PRKAG1: variants seen among roughly 807,000 people sequenced by gnomAD.
The protein encoded by PRKAG1 is 5'-AMP-activated protein kinase subunit gamma-1.
A neutral mutation model predicts 48.2 loss-of-function variants in PRKAG1; 27 were observed. The ratio of observed to expected loss-of-function variants is 0.56; its 90% confidence interval spans 0.41 to 0.77. The LOEUF is 0.77. Among genes scored for constraint, PRKAG1 ranks in the 30% least tolerant of loss-of-function variants. The pLI, the probability that PRKAG1 is intolerant of heterozygous loss-of-function variation, is 0.00. For missense variants in PRKAG1, 287 were observed against 398.3 expected (o/e 0.72, Z 2.38); for synonymous variants, 130 against 147.7 (o/e 0.88, Z 0.87).
chr12:49,003,928 GA>G lies in PRKAG1; in HGVS notation c.538-7del. The stretch of plus-strand genomic sequence containing the variant: ...GGCTTGGGGAACTCAGTGATCTGAG[GA>G]AAGAACCATCAGCTTAACTTTCAAG... On this transcript the variant is annotated splice_region_variant and splice_polypyrimidine_tract_variant and intron_variant, in intron 8 of 11. Transcript: ENST00000548065. 1 of 1,586,008 alleles carries G rather than the reference GA, an allele frequency of 6.3e-7. No individual in the cohort carries two copies. The highest frequency in any genetic ancestry group is 8.6e-7 in the Non-Finnish European group (1 of 1,164,710).
At chr12:49,016,915 T>C (rs1338748264) in intron 1 of PRKAG1, 1 of 339,524 alleles carries the variant, frequency 2.9e-6, no homozygotes, top group Non-Finnish European at 5.8e-6. Flanking sequence ...TTTCCAGTCT[T>C]TTCTCCCACT....
chr12:49,012,937 G>A, intron 2 of PRKAG1, 125 bp downstream of exon 2: 2 of 922,518 alleles, frequency 2.2e-6, no homozygotes, highest in East Asian at 2.5e-5. Context: ...TGATTTTTGT[G>A]GTTTGGCACA....
At chr12:49,018,314 C>G (rs1451806746) in intron 1 of PRKAG1, 1 of 348,654 alleles carries the variant, frequency 2.9e-6, no homozygotes, top group African/African-American at 2.2e-5. Context: ...ACAGAAAGAC[C>G]ATCGAGGTCC....
chr12:49,004,786 AGAGT>A (rs951707587), intron 7 of PRKAG1, 153 bp from the exon 8 acceptor site: 4 of 1,337,988 alleles, frequency 3.0e-6, no homozygotes, highest in Admixed American at 1.9e-5. Flanking sequence ...AGAGAGAGAG[AGAGT>A]GAGAATGAGA....
chr12:49,004,895 C>A lies in PRKAG1; in HGVS notation c.410+69G>T, dbSNP rs903835154. ...CTCTTCTTCCCCTTTCCCTGGGTGT[C>A]TAGGGCATTAGCTAGGCTGATGACA... On this transcript the variant is annotated intron_variant, in intron 7 of 11. Coordinates refer to ENST00000548065, the MANE Select transcript of PRKAG1 (RefSeq NM_002733.5). 23 of 1,512,144 alleles carry A rather than the reference C, an allele frequency of 1.5e-5. 1 individual carries two copies. Among genetic ancestry groups the A allele is most frequent in the South Asian group, 4.5e-5 (4 of 88,548 alleles). 93.7% of individuals were successfully genotyped at this position (1,512,144 alleles called of 1,614,324 possible).
chr12:49,015,037 C>T (rs1941910990), intron 1 of PRKAG1, among the ~76,000 whole-genome samples: 1 of 152,138 alleles, frequency 6.6e-6, no homozygotes, highest in Admixed American at 6.5e-5. Flanking sequence ...TAAGACAGCC[C>T]TAAACTTTTC....
At position 49,018,487 on chromosome 12, in the gene PRKAG1, G is replaced by A; in HGVS notation, c.9+245C>T. The A allele has an allele frequency of 7.9e-6, 11 of 1,388,174 alleles. No homozygotes were observed. In the South Asian group the frequency reaches 1.3e-4, roughly 17 times the overall value. 86.0% of individuals were successfully genotyped at this position (1,388,174 alleles called of 1,614,324 possible). A position where few individuals can be genotyped will look rare whatever the true frequency, so the allele number is the denominator to read the frequency against. On this transcript the variant is annotated intron_variant, in intron 1 of 11. Transcript: ENST00000548065. ...TACGTGGGCCCCAAGGAGGGAGCCA[G>A]GAGTCACTGCCTGCTTGGGCTAAGG...
intron 2 of PRKAG1, among the ~76,000 whole-genome samples, chr12:49,007,182 G>T (rs1941575308): frequency 1.3e-5 from 2 of 152,012 alleles, no homozygotes; most frequent in African/African-American, 4.8e-5. Context: ...AGCTACTCAG[G>T]GGGCTGAGGC....
At position 49,003,542 on chromosome 12, in the gene PRKAG1, C is replaced by G; in HGVS notation, c.741+16G>C. 1 of 1,613,282 alleles carries G rather than the reference C, an allele frequency of 6.2e-7. No homozygotes were observed. The highest frequency in any genetic ancestry group is 8.5e-7 in the Non-Finnish European group (1 of 1,179,758). On this transcript the variant is annotated intron_variant, in intron 10 of 11. Coordinates refer to ENST00000548065, the MANE Select transcript of PRKAG1 (RefSeq NM_002733.5). The stretch of plus-strand genomic sequence containing the variant: ...CCACCACTTCCCTACCTCCCAGACC[C>G]TCCACAATCACTCACGATAACATCA...
In PRKAG1 at chr12:49,005,929, G is replaced by A; in HGVS notation, c.59-77C>T. The A allele has an allele frequency of 9.8e-7, 1 of 1,021,574 alleles. No homozygotes were observed. The highest frequency in any genetic ancestry group is 1.6e-5 in the African/African-American group (1 of 61,880). 63.3% of individuals were successfully genotyped at this position (1,021,574 alleles called of 1,614,324 possible). On this transcript the variant is annotated intron_variant, in intron 2 of 11. Transcript: ENST00000548065. This position sits in a 1 kb window ranked among gnomAD's most constrained non-coding sequence, Gnocchi z 4.1. Reference sequence around the variant, plus strand: ...CAAAAGAGACAGAAAACAAAATAGTGTTCTAGTATCTCAAATATTTAGAGC... The same window carrying A: ...CAAAAGAGACAGAAAACAAAATAGTATTCTAGTATCTCAAATATTTAGAGC...
At chr12:49,008,221 A>AT (rs146670589) in intron 2 of PRKAG1, among the ~76,000 whole-genome samples, 17 of 151,584 alleles carry the variant, frequency 1.1e-4, no homozygotes, top group East Asian at 1.9e-4. Context: ...GTAAACTCTG[A>AT]TTTTTTTTTC....
intron 1 of PRKAG1, chr12:49,017,263 T>C: frequency 4.4e-6 from 2 of 454,154 alleles, no homozygotes; most frequent in South Asian, 3.1e-5. Flanking sequence ...TGCAGTGGCA[T>C]GATCTCAGCT....
chr12:49,008,843 T>G (rs1941650004), intron 2 of PRKAG1, among the ~76,000 whole-genome samples: 1 of 152,204 alleles, frequency 6.6e-6, no homozygotes, highest in Non-Finnish European at 1.5e-5. Context: ...CTCTGAAAAC[T>G]CATAGGATCT....
At chr12:49,014,332 C>A (rs1280655992) in intron 1 of PRKAG1, among the ~76,000 whole-genome samples, 1 of 152,234 alleles carries the variant, frequency 6.6e-6, no homozygotes, top group Non-Finnish European at 1.5e-5. Context: ...GCATTATCTG[C>A]AAAGCTCATG....
chr12:49,006,696 G>T (rs545353403), intron 2 of PRKAG1, among the ~76,000 whole-genome samples: 3 of 152,182 alleles, frequency 2.0e-5, no homozygotes, highest in Non-Finnish European at 4.4e-5. Flanking sequence ...GAGGCTGGGC[G>T]TGGTGGCTCA....
In PRKAG1 at chr12:49,004,020, C is replaced by T. The variant is rs569030958; in HGVS notation, c.538-98G>A. ...TATTAGAAATAAGGGCTGGGTGCGCCGGCTTATGCCTATAATCCCAGCACT... is the reference window on the plus strand; with the variant it reads ...TATTAGAAATAAGGGCTGGGTGCGCTGGCTTATGCCTATAATCCCAGCACT... On this transcript the variant is annotated intron_variant, in intron 8 of 11. Transcript: ENST00000548065. 127 of 1,462,684 alleles carry T rather than the reference C, an allele frequency of 8.7e-5. 1 individual carries two copies. In the South Asian group the frequency reaches 1.3e-3, roughly 15 times the overall value. 90.6% of individuals were successfully genotyped at this position (1,462,684 alleles called of 1,614,324 possible).
intron 2 of PRKAG1, among the ~76,000 whole-genome samples, chr12:49,008,995 C>CA (rs1165490047): frequency 2.6e-5 from 4 of 151,854 alleles, no homozygotes; most frequent in Non-Finnish European, 4.4e-5. Context: ...ATTAGTTCCT[C>CA]AATTATTTCC....
In PRKAG1 at chr12:49,003,774, G is replaced by A; in HGVS notation, c.686C>T (p.Pro229Leu). The change falls in exon 9 of 12, where the codon CCA (proline) becomes CTA (leucine). Residue 229 changes from proline to leucine, a missense_variant. This residue lies in a region of PRKAG1 where 224 missense variants were observed against 344.3 expected (regional missense o/e 0.65). Transcript: ENST00000548065. ...IFVQHRVSALPVVDEKGRVVD... is the reference protein window; with the variant it reads ...IFVQHRVSALLVVDEKGRVVD... Reference sequence around the variant, plus strand: ...TCTCTCACCCTTCTCATCCACCACTGGCAGGGCTGAGACTCGATGCTGTAC... The same window carrying A: ...TCTCTCACCCTTCTCATCCACCACTAGCAGGGCTGAGACTCGATGCTGTAC... The A allele has an allele frequency of 2.5e-6, 4 of 1,613,030 alleles. No homozygotes were observed. Among genetic ancestry groups the A allele is most frequent in the Non-Finnish European group, 3.4e-6 (4 of 1,179,440 alleles).
At position 49,004,522 on chromosome 12, in the gene PRKAG1, C is replaced by T. The variant is rs1941437108; in HGVS notation, c.522G>A (p.Lys174=). 1 of 1,614,018 alleles carries T rather than the reference C, an allele frequency of 6.2e-7. No homozygotes were observed. Among genetic ancestry groups the T allele is most frequent in the East Asian group, 2.2e-5 (1 of 44,870 alleles). The change falls in exon 8 of 12, where the codon AAG becomes AAA. Residue 174 remains lysine, a synonymous_variant. Transcript: ENST00000548065. ...GAGCACTTACAAACAATTTGAGGAA[C>T]TTCAGAATGCGCTTGTGGGTGAGGA... is the stretch of plus-strand genomic sequence containing the variant. The part of the protein sequence containing the change: ...LYILTHKRIL[K]FLKLFITEFP...
Sources: allele counts gnomAD v4.1 joint callset (sites outside exome capture counted in the v4.1 genomes callset), GRCh38; gene constraint gnomAD v4.1.1; regional missense constraint gnomAD v4.1.1; non-coding constraint Gnocchi (gnomAD v3.1); transcripts MANE v1.5; gene names NCBI Gene and HGNC (gene_info 2026-07-23, HGNC 2026-07-21).